Variants in THAP10 observed in about 807,000 individuals in gnomAD.
THAP10 encodes THAP domain-containing protein 10.
A neutral mutation model predicts 15.7 loss-of-function variants in THAP10; 10 were observed. That is an observed-to-expected ratio of 0.64 (90% CI 0.39 to 1.08). THAP10 has a LOEUF of 1.08. Among genes scored for constraint, THAP10 ranks in the 50% least tolerant of loss-of-function variants. THAP10 has a pLI of 0.01. For synonymous variants in THAP10, 127 were observed against 129.1 expected (o/e 0.98, Z 0.11); for missense variants, 310 against 330.9 (o/e 0.94, Z 0.49).
In THAP10 at chr15:70,882,836, G is replaced by A. The variant is rs1301286211; in HGVS notation, c.502C>T (p.Pro168Ser). ...ACTGGGCCTTCTTCACAGTGAGTAG[G>A]TACTGAAGTGACAGTATTAGATGGA... Reference protein sequence around the residue: ...DNPSNTVTSVPTHCEEGPVHK... With the variant: ...DNPSNTVTSVSTHCEEGPVHK... The change falls in exon 2 of 3, where the codon CCT becomes TCT. Residue 168 changes from proline (P) to serine (S), a missense_variant. Transcript: ENST00000249861. The A allele has an allele frequency of 1.2e-6, 2 of 1,614,008 alleles. No homozygotes were observed. The highest frequency in any genetic ancestry group is 1.7e-6 in the Non-Finnish European group (2 of 1,179,884).
At chr15:70,882,740 C>G (rs200649526) in intron 2 of THAP10, 21 bp downstream of exon 2, 2 of 1,613,546 alleles carry the variant, frequency 1.2e-6, no homozygotes, top group Admixed American at 3.3e-5. Context: ...TTGCTTAATC[C>G]ATTGAAGAGT....
At chr15:70,882,994 T>A in intron 1 of THAP10, 86 bp from the exon 2 acceptor site, 1 of 1,416,232 alleles carries the variant, frequency 7.1e-7, no homozygotes, top group Non-Finnish European at 9.6e-7. Flanking sequence ...TAAGACAGTA[T>A]AGCTGAAAAT....
rs1176429286 is a variant in THAP10 at position 70,892,319 on chromosome 15, C to T, written c.-47G>A. On this transcript the variant is annotated 5_prime_UTR_variant, in exon 1 of 3. Coordinates refer to ENST00000249861, the MANE Select transcript of THAP10 (RefSeq NM_020147.4). ...GGAGCCGGGTTCCCTGGACCTTCGC[C>T]CTTGGGCACGCTCCTCGCAGCGGCC... The T allele has an allele frequency of 1.3e-6, 2 of 1,550,082 alleles. No individual in the cohort carries two copies. The highest frequency in any genetic ancestry group is 1.7e-6 in the Non-Finnish European group (2 of 1,146,992).
chr15:70,882,520 C>G lies in THAP10; in HGVS notation c.708G>C (p.Trp236Cys). The G allele has an allele frequency of 2.5e-6, 4 of 1,613,866 alleles. No individual in the cohort carries two copies. Among genetic ancestry groups the G allele is most frequent in the Non-Finnish European group, 3.4e-6 (4 of 1,179,942 alleles). Residue 236 changes from tryptophan (W) to cysteine (C), a missense_variant, in exon 3 of 3, where the codon TGG becomes TGC. Coordinates refer to ENST00000249861, the MANE Select transcript of THAP10 (RefSeq NM_020147.4). The part of the protein sequence containing the change: ...YSSDSETDTD[W>C]DIKSEQSDLS... ...AATCACTCTGTTCACTCTTGATATC[C>G]CAGTCTGTATCTGTTTCTGAATCAC...
At chr15:70,888,995 G>A (rs922498051) in intron 1 of THAP10, among the ~76,000 whole-genome samples, 1 of 152,124 alleles carries the variant, frequency 6.6e-6, no homozygotes, top group African/African-American at 2.4e-5. Context: ...TCAAACTTGT[G>A]GTAGAAGTGT....
At position 70,886,683 on chromosome 15, in the gene THAP10, T is replaced by C. The variant is rs533707597; in HGVS notation, c.430-3775A>G. ...GAGTTCAAGACCAGCCTGGCCAAGA[T>C]GGTGAAACCCCATCACTACTAAAAA... On this transcript the variant is annotated intron_variant, in intron 1 of 2. Transcript: ENST00000249861. Among the ~76,000 whole-genome samples, 20 of 152,206 alleles carry C rather than the reference T, an allele frequency of 1.3e-4. No homozygotes were observed. In the South Asian group the frequency reaches 4.2e-3, roughly 32 times the overall value.
Position 70,882,518 on chromosome 15 carries a change from T to G in THAP10, c.710A>C (p.Asp237Ala). The change falls in exon 3 of 3, where the codon GAT (aspartate) becomes GCT (alanine). Residue 237 changes from aspartate (D) to alanine (A), a missense_variant. Transcript: ENST00000249861. ...SSDSETDTDWDIKSEQSDLSY... is the reference protein window; with the variant it reads ...SSDSETDTDWAIKSEQSDLSY... ...CAAATCACTCTGTTCACTCTTGATA[T>G]CCCAGTCTGTATCTGTTTCTGAATC... The G allele has an allele frequency of 6.2e-7, 1 of 1,613,966 alleles. No individual in the cohort carries two copies. The highest frequency in any genetic ancestry group is 1.1e-5 in the South Asian group (1 of 91,082).
chr15:70,892,020 C>A lies in THAP10; in HGVS notation c.253G>T (p.Ala85Ser). The change falls in exon 1 of 3, where the codon GCC (alanine) becomes TCC (serine). Residue 85 changes from alanine (A) to serine (S), a missense_variant. Transcript: ENST00000249861. ...FSQRLRLVAG[A>S]VPTLHRVPAP... ...GGCACCCGGTGCAGGGTGGGCACGG[C>A]GCCTGCCACCAGCCTCAGGCGCTGG... The A allele has an allele frequency of 6.2e-7, 1 of 1,612,630 alleles. No homozygotes were observed. Among genetic ancestry groups the A allele is most frequent in the Non-Finnish European group, 8.5e-7 (1 of 1,179,490 alleles).
intron 1 of THAP10, among the ~76,000 whole-genome samples, chr15:70,889,668 A>G (rs2033503054): frequency 6.6e-6 from 1 of 152,216 alleles, no homozygotes; most frequent in South Asian, 2.1e-4. Flanking sequence ...GTGGTGTCTT[A>G]TCTTTTTGGA....
intron 1 of THAP10, among the ~76,000 whole-genome samples, chr15:70,886,217 T>C (rs112873014): frequency 6.6e-6 from 1 of 152,298 alleles, no homozygotes; most frequent in African/African-American, 2.4e-5. Context: ...TATATTAGGA[T>C]AGGAAAATTA....
Position 70,891,971 on chromosome 15 carries a change from T to C in THAP10, c.302A>G (p.Glu101Gly). The C allele has an allele frequency of 6.2e-7, 1 of 1,613,404 alleles. No homozygotes were observed. The highest frequency in any genetic ancestry group is 1.1e-5 in the South Asian group (1 of 90,876). Residue 101 changes from glutamate (E) to glycine (G), a missense_variant, in exon 1 of 3, where the codon GAG (glutamate) becomes GGG (glycine). Glu to Gly is a moderately conservative substitution (Grantham distance 98). Coordinates refer to ENST00000249861, the MANE Select transcript of THAP10 (RefSeq NM_020147.4). Reference protein sequence around the residue: ...RVPAPAPKRGEEGDQAGRLDT... With the variant: ...RVPAPAPKRGGEGDQAGRLDT... The stretch of plus-strand genomic sequence containing the variant: ...CAGGCGGCCTGCTTGGTCTCCCTCC[T>C]CTCCCCTCTTAGGTGCCGGGGCGGG...
At position 70,882,505 on chromosome 15, in the gene THAP10, T is replaced by C; in HGVS notation, c.723A>G (p.Glu241=). The change falls in exon 3 of 3, where the codon GAA becomes GAG. Residue 241 remains glutamate, a synonymous_variant. Transcript: ENST00000249861. ...CAGCCATATAAGACAAATCACTCTG[T>C]TCACTCTTGATATCCCAGTCTGTAT... ...ETDTDWDIKS[E]QSDLSYMAVQ... The C allele has an allele frequency of 6.2e-7, 1 of 1,613,910 alleles. No homozygotes were observed. The highest frequency in any genetic ancestry group is 1.1e-5 in the South Asian group (1 of 91,062).
At chr15:70,883,017 A>G in intron 1 of THAP10, 109 bp from the exon 2 acceptor site, 1 of 1,062,838 alleles carries the variant, frequency 9.4e-7, no homozygotes, top group East Asian at 2.5e-5. Context: ...TCAGTCACAT[A>G]TTAGTAAGGC....
At chr15:70,884,110 A>G (rs1260324133) in intron 1 of THAP10, among the ~76,000 whole-genome samples, 1 of 152,176 alleles carries the variant, frequency 6.6e-6, no homozygotes, top group Non-Finnish European at 1.5e-5. Context: ...CTGGGAGGAG[A>G]GAAAGTAAGT....
rs552409360 is a variant in THAP10 at position 70,892,290 on chromosome 15, C to A, written c.-18G>T. The A allele has an allele frequency of 1.9e-5, 30 of 1,552,684 alleles. No individual in the cohort carries two copies. Among genetic ancestry groups the A allele is most frequent in the Non-Finnish European group, 2.6e-5 (30 of 1,147,950 alleles). Reference sequence around the variant, plus strand: ...GCCGGCATGGCGGCCGTCTTCGGTGCGCGGGAGCCGGGTTCCCTGGACCTT... The same window carrying A: ...GCCGGCATGGCGGCCGTCTTCGGTGAGCGGGAGCCGGGTTCCCTGGACCTT... On this transcript the variant is annotated 5_prime_UTR_variant, in exon 1 of 3. Transcript: ENST00000249861.
chr15:70,886,968 A>C (rs1441317927), intron 1 of THAP10, among the ~76,000 whole-genome samples: 2 of 152,198 alleles, frequency 1.3e-5, no homozygotes, highest in Non-Finnish European at 2.9e-5. Flanking sequence ...TTCAAATACA[A>C]GATTATCATG....
chr15:70,892,209 G>A lies in THAP10; in HGVS notation c.64C>T (p.Arg22Cys). The change falls in exon 1 of 3, where the codon CGC (arginine) becomes TGC (cysteine). Residue 22 changes from arginine to cysteine, a missense_variant. Physicochemically the swap from Arg to Cys is radical, Grantham distance 180 (BLOSUM62 -3). Coordinates refer to ENST00000249861, the MANE Select transcript of THAP10 (RefSeq NM_020147.4). ...NTTKSGKSLFRFPKDRAVRLL... is the reference protein window; with the variant it reads ...NTTKSGKSLFCFPKDRAVRLL... The stretch of plus-strand genomic sequence containing the variant: ...CGCACGGCCCGGTCCTTGGGAAAGC[G>A]GAACAGCGACTTCCCAGACTTGGTG... 6.2e-7 allele frequency: 1 copy of A among 1,602,218 alleles called. No individual in the cohort carries two copies. Among genetic ancestry groups the A allele is most frequent in the East Asian group, 2.3e-5 (1 of 44,394 alleles).
intron 1 of THAP10, among the ~76,000 whole-genome samples, chr15:70,884,115 G>GTT (rs1160475071): frequency 1.3e-5 from 2 of 152,132 alleles, no homozygotes; most frequent in Non-Finnish European, 2.9e-5. Context: ...AGGAGAGAAA[G>GTT]TAAGTGATAG....
intron 1 of THAP10, among the ~76,000 whole-genome samples, chr15:70,884,445 G>C (rs1027293273): frequency 6.6e-6 from 1 of 151,938 alleles, no homozygotes; most frequent in Non-Finnish European, 1.5e-5. Context: ...GCTTGAAGCC[G>C]GGAGGCAGAG....
Sources: gnomAD v4.1 joint callset for allele counts (sites outside exome capture counted in the v4.1 genomes callset) on GRCh38, gnomAD v4.1.1 for gene constraint, MANE v1.5 for transcripts, NCBI Gene and HGNC (gene_info 2026-07-23, HGNC 2026-07-21) for gene names.